RSPH14: variants seen among roughly 807,000 people sequenced by gnomAD.
RSPH14 encodes rhabdoid tumor deletion region gene 1.
A neutral mutation model predicts 26.7 loss-of-function variants in RSPH14; 20 were observed. The observed-to-expected ratio is 0.75, with a 90% confidence interval of 0.53 to 1.09. The LOEUF is 1.09. Ranked by LOEUF, RSPH14 falls within the 50% of genes least tolerant of loss-of-function variation. The probability of loss-of-function intolerance (pLI) is 0.00; values close to 1 mark genes in which losing one functional copy is unlikely to be tolerated. For missense variants in RSPH14, 449 were observed against 457.2 expected (o/e 0.98, Z 0.16); for synonymous variants, 177 against 189.3 (o/e 0.93, Z 0.53).
intron 4 of RSPH14, among the ~76,000 whole-genome samples, chr22:23,072,030 G>A (rs2068392115): frequency 1.3e-5 from 2 of 152,114 alleles, no homozygotes; most frequent in Admixed American, 6.5e-5. Context: ...CTGTAAAAGC[G>A]AAGCAGTTCC....
At chr22:23,176,237 CCT>C in the RSPH14 span, among the ~76,000 whole-genome samples, 3 of 152,332 alleles carry the variant, frequency 2.0e-5, no homozygotes, top group East Asian at 5.8e-4. Flanking sequence ...AGCTGGCCTC[CCT>C]CTGTTGGGGA....
chr22:23,108,219 C>T, intron 4 of RSPH14, among the ~76,000 whole-genome samples: 1 of 152,268 alleles, frequency 6.6e-6, no homozygotes. Flanking sequence ...TCTGGCCTTG[C>T]CTGCCATCCA....
chr22:23,110,750 G>A (rs1401519398), intron 4 of RSPH14, among the ~76,000 whole-genome samples: 4 of 152,240 alleles, frequency 2.6e-5, no homozygotes, highest in Non-Finnish European at 5.9e-5. Context: ...TCTGCAGAGA[G>A]TTCATGCCAA....
the RSPH14 span, chr22:23,161,584 C>T: frequency 6.4e-7 from 1 of 1,570,092 alleles, no homozygotes. Flanking sequence ...GCGTGGAAGG[C>T]CTCCGCTCCC....
chr22:23,153,024 C>T, the RSPH14 span: 1 of 1,604,804 alleles, frequency 6.2e-7, no homozygotes, highest in Non-Finnish European at 8.5e-7. Context: ...ACTTCCTCAT[C>T]CCCCACAGGT....
the RSPH14 span, chr22:23,150,164 C>T: frequency 1.2e-6 from 2 of 1,603,888 alleles, no homozygotes; most frequent in Admixed American, 1.7e-5. Context: ...GGTGAGCCTG[C>T]AGGGTGTGGG....
At chr22:23,109,811 C>T (rs2069594930) in intron 4 of RSPH14, among the ~76,000 whole-genome samples, 1 of 152,212 alleles carries the variant, frequency 6.6e-6, no homozygotes, top group African/African-American at 2.4e-5. Flanking sequence ...CAAGAGAAGG[C>T]TCAGAGCATA....
In RSPH14 at chr22:23,081,035, C is replaced by T. The variant is rs796138538; in HGVS notation, c.422-16902G>A. Reference sequence around the variant, plus strand: ...TTGTGCCAGTTGTACTCATTGTAATCACAGCCTGGAATACTGTGTAAACTG... The same window carrying T: ...TTGTGCCAGTTGTACTCATTGTAATTACAGCCTGGAATACTGTGTAAACTG... On this transcript the variant is annotated intron_variant, in intron 4 of 6. Transcript: ENST00000216036. 2.0e-5 allele frequency among the ~76,000 whole-genome samples: 3 copies of T among 152,192 alleles called. No homozygotes were observed. The South Asian group carries it at 6.2e-4, about 32-fold the overall frequency.
chr22:23,124,216 T>TG, intron 4 of RSPH14: 1 of 152,048 alleles, frequency 6.6e-6, no homozygotes, highest in South Asian at 1.6e-4. Context: ...GTTTTTTGGT[T>TG]TTTTTTTTTT....
upstream of RSPH14, chr22:23,146,774 G>A: frequency 6.6e-7 from 1 of 1,522,188 alleles, no homozygotes; most frequent in South Asian, 1.2e-5. Flanking sequence ...AAGTAAAGCA[G>A]GTGAATCAAG....
intron 4 of RSPH14, chr22:23,123,464 GA>G: frequency 7.0e-7 from 1 of 1,437,576 alleles, no homozygotes; most frequent in Non-Finnish European, 9.7e-7. Context: ...TGCCTATGGT[GA>G]AACCCACGGG....
At chr22:23,099,325 A>T (rs1442626869) in intron 4 of RSPH14, among the ~76,000 whole-genome samples, 1 of 152,198 alleles carries the variant, frequency 6.6e-6, no homozygotes, top group Admixed American at 6.5e-5. Context: ...ACGCCCCTCC[A>T]TGGCCACGGT....
At chr22:23,119,429 C>T (rs566179879) in intron 4 of RSPH14, among the ~76,000 whole-genome samples, 21 of 152,332 alleles carry the variant, frequency 1.4e-4, no homozygotes, top group African/African-American at 5.1e-4. Flanking sequence ...CTTCAGCCTC[C>T]CGCTCTGTCT....
Position 23,061,937 on chromosome 22 carries a change from C to T in RSPH14, c.662G>A (p.Arg221Gln), listed in dbSNP as rs1292954187. Residue 221 changes from arginine to glutamine, a missense_variant, in exon 6 of 7, where the codon CGA becomes CAA. Arg to Gln is a conservative substitution (Grantham distance 43). Transcript: ENST00000216036. Reference protein sequence around the residue: ...ARALLNVSISREGKKQVCHFD... With the variant: ...ARALLNVSISQEGKKQVCHFD... The stretch of plus-strand genomic sequence containing the variant: ...ATGACACACCTGTTTCTTGCCCTCT[C>T]GAGATATGCTGGGGCAGAGAGGGAA... 5 of 1,613,886 alleles carry T rather than the reference C, an allele frequency of 3.1e-6. No individual in the cohort carries two copies. Among genetic ancestry groups the T allele is most frequent in the African/African-American group, 2.7e-5 (2 of 74,888 alleles).
At chr22:23,176,110 T>C in the RSPH14 span, among the ~76,000 whole-genome samples, 1 of 152,248 alleles carries the variant, frequency 6.6e-6, no homozygotes, top group Non-Finnish European at 1.5e-5. Flanking sequence ...TGCTCCTTGG[T>C]GCAACAGGGT....
chr22:23,091,156 AC>A, intron 4 of RSPH14, among the ~76,000 whole-genome samples: 1 of 152,282 alleles, frequency 6.6e-6, no homozygotes, highest in South Asian at 2.1e-4. Context: ...GTGCATGCAC[AC>A]CCAAAGATGT....
At chr22:23,145,677 G>T, upstream of RSPH14, 2 of 1,172,698 alleles carry the variant, frequency 1.7e-6, no homozygotes, top group East Asian at 2.6e-5. Context: ...CTTGAAAGCG[G>T]CCTGCGGCCC....
At chr22:23,153,270 A>G in the RSPH14 span, 1 of 702,388 alleles carries the variant, frequency 1.4e-6, no homozygotes, top group Non-Finnish European at 2.4e-6. Flanking sequence ...GTTGTGTGAC[A>G]CTTAGCTTCC....
intron 4 of RSPH14, among the ~76,000 whole-genome samples, chr22:23,080,132 A>G (rs1343340419): frequency 6.6e-6 from 1 of 152,196 alleles, no homozygotes; most frequent in African/African-American, 2.4e-5. Context: ...CTCTGCTGTC[A>G]TGGCCACCCT....
Sources: gnomAD v4.1 joint callset for allele counts (sites outside exome capture counted in the v4.1 genomes callset) on GRCh38, gnomAD v4.1.1 for gene constraint, MANE v1.5 for transcripts, NCBI Gene and HGNC (gene_info 2026-07-23, HGNC 2026-07-21) for gene names.